ADAMTSL3: variants seen among roughly 807,000 people sequenced by gnomAD.
The protein encoded by ADAMTSL3 is ADAMTS-like protein 3.
ADAMTSL3 carries 128 observed loss-of-function variants against 201.7 expected under a neutral mutation model. The observed-to-expected ratio is 0.63, with a 90% CI of 0.55 to 0.73. ADAMTSL3 has a LOEUF of 0.73. Ranked by LOEUF, ADAMTSL3 falls within the 30% of genes least tolerant of loss-of-function variation. The pLI is 0.00. For missense variants in ADAMTSL3, 1,990 were observed against 2,119.6 expected (o/e 0.94, Z 1.20); for synonymous variants, 738 against 748.4 (o/e 0.99, Z 0.23).
chr15:83,822,150 G>C (rs1241784160), intron 6 of ADAMTSL3, among the ~76,000 whole-genome samples: 5 of 150,606 alleles, frequency 3.3e-5, no homozygotes, highest in Non-Finnish European at 7.4e-5. Context: ...CTCCCTCCCA[G>C]ACGGGGCGGC....
At chr15:83,853,767 C>A (rs949356783) in intron 7 of ADAMTSL3, among the ~76,000 whole-genome samples, 2 of 152,040 alleles carry the variant, frequency 1.3e-5, no homozygotes, top group Non-Finnish European at 2.9e-5. Flanking sequence ...AGTTTTATCT[C>A]CAAAATTGTA....
At chr15:83,969,330 G>C (rs1215068604) in intron 19 of ADAMTSL3, among the ~76,000 whole-genome samples, 1 of 152,026 alleles carries the variant, frequency 6.6e-6, no homozygotes, top group African/African-American at 2.4e-5. Context: ...TGAAATCCCA[G>C]CTACTTGGGA....
At chr15:83,723,645 G>A (rs925349325) in intron 3 of ADAMTSL3, among the ~76,000 whole-genome samples, 2 of 152,104 alleles carry the variant, frequency 1.3e-5, no homozygotes, top group African/African-American at 4.8e-5. Context: ...AACAGGAAAT[G>A]CTAACATGAT....
chr15:83,767,887 A>G (rs1217083569), intron 3 of ADAMTSL3, among the ~76,000 whole-genome samples: 2 of 152,234 alleles, frequency 1.3e-5, no homozygotes, highest in East Asian at 3.9e-4. Context: ...AGAAATATGC[A>G]TTAATGGAAT....
intron 23 of ADAMTSL3, among the ~76,000 whole-genome samples, chr15:84,008,260 G>T (rs1024502961): frequency 2.0e-5 from 3 of 151,822 alleles, no homozygotes; most frequent in Non-Finnish European, 2.9e-5. Context: ...CAGGCTAAAT[G>T]TTTTTTGTAT....
intron 2 of ADAMTSL3, among the ~76,000 whole-genome samples, chr15:83,660,314 A>G (rs529944315): frequency 3.3e-5 from 5 of 152,282 alleles, no homozygotes; most frequent in East Asian, 1.9e-4. Flanking sequence ...TGCTATTGCT[A>G]TCACCCTTGA....
intron 8 of ADAMTSL3, among the ~76,000 whole-genome samples, chr15:83,861,062 C>T (rs1483993546): frequency 6.6e-6 from 1 of 152,206 alleles, no homozygotes; most frequent in Non-Finnish European, 1.5e-5. Context: ...CGGAGCCTTG[C>T]TCATTGCTAG....
intron 3 of ADAMTSL3, among the ~76,000 whole-genome samples, chr15:83,751,968 A>G (rs1406779254): frequency 6.6e-6 from 1 of 152,242 alleles, no homozygotes; most frequent in Non-Finnish European, 1.5e-5. Flanking sequence ...GCATCATAAC[A>G]ACAACCTATG....
At chr15:83,954,541 T>TTTGGTGAAG (rs1210459749) in intron 19 of ADAMTSL3, among the ~76,000 whole-genome samples, 2 of 152,210 alleles carry the variant, frequency 1.3e-5, no homozygotes, top group Admixed American at 1.3e-4. Context: ...ATGTAGTTCA[T>TTTGGTGAAG]TTGGTGAAGT....
chr15:83,778,954 G>C (rs1296466754), intron 4 of ADAMTSL3, among the ~76,000 whole-genome samples: 1 of 152,124 alleles, frequency 6.6e-6, no homozygotes, highest in Non-Finnish European at 1.5e-5. Flanking sequence ...CAGAAAAAAA[G>C]CAGAGGTTGC....
chr15:83,994,586 G>GTTTTTT (rs3045402), intron 23 of ADAMTSL3, among the ~76,000 whole-genome samples: 1 of 50,230 alleles, frequency 2.0e-5, no homozygotes, highest in African/African-American at 7.1e-5. Context: ...TTGTTTTTTC[G>GTTTTTT]TTTTTTTTTT....
At chr15:83,837,022 G>A (rs982669140) in intron 6 of ADAMTSL3, among the ~76,000 whole-genome samples, 1 of 151,908 alleles carries the variant, frequency 6.6e-6, no homozygotes, top group African/African-American at 2.4e-5. Context: ...AGAAATATAA[G>A]ACATGACCTT....
intron 17 of ADAMTSL3, among the ~76,000 whole-genome samples, chr15:83,940,948 A>G (rs1244384358): frequency 6.6e-6 from 1 of 152,102 alleles, no homozygotes; most frequent in Non-Finnish European, 1.5e-5. Context: ...AACTTTTGTA[A>G]TTCCTTAGAA....
At position 83,982,801 on chromosome 15, in the gene ADAMTSL3, C is replaced by CTCT; in HGVS notation, c.3174_3176dup (p.Leu1060dup). ...ATTAGTAACCAGCCTTTCTTGAGAGCTCTGTTAGGCCACTGCAGCAATTCT... is the reference window on the plus strand; with the variant it reads ...ATTAGTAACCAGCCTTTCTTGAGAGCTCTTCTGTTAGGCCACTGCAGCAATTCT... On this transcript the variant is annotated inframe_insertion, in exon 21 of 30. Transcript: ENST00000286744. The CTCT allele has an allele frequency of 6.2e-7, 1 of 1,614,120 alleles. No homozygotes were observed. Among genetic ancestry groups the CTCT allele is most frequent in the Non-Finnish European group, 8.5e-7 (1 of 1,180,020 alleles).
intron 19 of ADAMTSL3, among the ~76,000 whole-genome samples, chr15:83,953,430 T>C (rs1331519680): frequency 6.6e-6 from 1 of 152,196 alleles, no homozygotes; most frequent in Non-Finnish European, 1.5e-5. Flanking sequence ...GAAAACTCTA[T>C]ACTTTTACTT....
intron 5 of ADAMTSL3, among the ~76,000 whole-genome samples, chr15:83,807,140 A>C (rs2063613132): frequency 6.6e-6 from 1 of 152,150 alleles, no homozygotes; most frequent in South Asian, 2.1e-4. Flanking sequence ...AAGAAGGTAA[A>C]AGATCTTTGC....
At chr15:83,884,349 T>C (rs1325684637) in intron 9 of ADAMTSL3, among the ~76,000 whole-genome samples, 2 of 148,336 alleles carry the variant, frequency 1.3e-5, no homozygotes, top group African/African-American at 2.5e-5. Context: ...TTTTTTTTTT[T>C]TTTTTTTTTT....
At chr15:83,812,263 G>T (rs2063711284) in intron 5 of ADAMTSL3, among the ~76,000 whole-genome samples, 1 of 152,108 alleles carries the variant, frequency 6.6e-6, no homozygotes, top group African/African-American at 2.4e-5. Context: ...ACCAAGTTCT[G>T]ATGAGCATCC....
At chr15:83,791,692 G>A (rs1367441996) in intron 4 of ADAMTSL3, among the ~76,000 whole-genome samples, 1 of 151,810 alleles carries the variant, frequency 6.6e-6, no homozygotes, top group Non-Finnish European at 1.5e-5. Flanking sequence ...CCCCATCTCT[G>A]CTAAAAGAAT....
Sources: gnomAD v4.1 joint callset for allele counts (sites outside exome capture counted in the v4.1 genomes callset) on GRCh38, gnomAD v4.1.1 for gene constraint, MANE v1.5 for transcripts, NCBI Gene and HGNC (gene_info 2026-07-23, HGNC 2026-07-21) for gene names.